NEDD4: variants seen among roughly 807,000 people sequenced by gnomAD.
NEDD4 encodes NEDD4 E3 ubiquitin protein ligase, also known as E3 ubiquitin-protein ligase NEDD4.
In NEDD4, 99 loss-of-function variants were observed where a neutral mutation model predicts 144.9. The ratio of observed to expected loss-of-function variants is 0.68; its 90% CI spans 0.58 to 0.81. The LOEUF (loss-of-function observed/expected upper bound fraction) is 0.81, where lower values mean the gene tolerates loss of function less well. Ranked by LOEUF, NEDD4 falls within the 30% of genes least tolerant of loss-of-function variation. The pLI is 0.00. For missense variants in NEDD4, 985 were observed against 1,065.9 expected, an observed-to-expected ratio of 0.92 and a Z score of 1.06; for synonymous variants, 318 against 350.6, an observed-to-expected ratio of 0.91 and a Z score of 1.04.
chr15:55,986,177 G>A (rs527508143), intron 1 of NEDD4, among the ~76,000 whole-genome samples: 1 of 152,322 alleles, frequency 6.6e-6, no homozygotes, highest in East Asian at 1.9e-4. Flanking sequence ...TACATAGAAT[G>A]CCAACTAACA....
At chr15:55,985,096 C>G (rs1202148524) in intron 1 of NEDD4, among the ~76,000 whole-genome samples, 4 of 152,186 alleles carry the variant, frequency 2.6e-5, no homozygotes, top group African/African-American at 7.2e-5. Flanking sequence ...GGCCAGAATT[C>G]CAACACAAAA....
intron 5 of NEDD4, among the ~76,000 whole-genome samples, chr15:55,880,368 C>T (rs2035143062): frequency 1.3e-5 from 2 of 152,046 alleles, no homozygotes; most frequent in Non-Finnish European, 2.9e-5. Context: ...CTGCAAGGCA[C>T]ATCACCGTGA....
chr15:55,969,037 A>G (rs547245405), intron 1 of NEDD4, among the ~76,000 whole-genome samples: 17 of 152,204 alleles, frequency 1.1e-4, no homozygotes, highest in Admixed American at 3.3e-4. Flanking sequence ...TGAAGAGGGT[A>G]GGAAAGACAG....
chr15:55,977,259 T>C (rs1238042766), intron 1 of NEDD4, among the ~76,000 whole-genome samples: 2 of 152,232 alleles, frequency 1.3e-5, no homozygotes, highest in Non-Finnish European at 2.9e-5. Context: ...TCCTTTTCTA[T>C]GTTTTGGTAC....
At chr15:55,843,317 G>A (rs577074391) in intron 18 of NEDD4, among the ~76,000 whole-genome samples, 2 of 152,314 alleles carry the variant, frequency 1.3e-5, no homozygotes, top group Non-Finnish European at 2.9e-5. Flanking sequence ...AACACTATGC[G>A]AAAGCTACTA....
rs1314443948 is a variant in NEDD4, at chr15:55,834,297, G to T, written c.2263-11C>A. 2 of 1,588,840 alleles carry T rather than the reference G, an allele frequency of 1.3e-6. No homozygotes were observed. Among genetic ancestry groups the T allele is most frequent in the South Asian group, 2.2e-5 (2 of 90,096 alleles). ...TAGTTCAAAGAATCCCTAGAAAAAA[G>T]ATGTATTTAAAAACTTGATGGGCAG... On this transcript the variant is annotated splice_polypyrimidine_tract_variant and intron_variant, in intron 24 of 28. Transcript: ENST00000435532.
chr15:55,967,484 G>C (rs1300586209), intron 1 of NEDD4, among the ~76,000 whole-genome samples: 1 of 149,804 alleles, frequency 6.7e-6, no homozygotes, highest in South Asian at 2.1e-4. Context: ...GTATGTGTGT[G>C]TATACAAATA....
intron 21 of NEDD4, among the ~76,000 whole-genome samples, chr15:55,839,983 AAAAAAAAAAAAAAAAAATATATAT>A (rs1170571740): frequency 3.5e-4 from 16 of 46,182 alleles, no homozygotes; most frequent in African/African-American, 1.3e-3. Context: ...CAAAAAAAAA[AAAAAAAAAAAAAAAAAATATATAT>A]ATATATATAT....
intron 23 of NEDD4, 28 bp from the exon 24 acceptor site, chr15:55,837,877 T>C (rs2033285661): frequency 8.3e-6 from 13 of 1,573,834 alleles, no homozygotes; most frequent in African/African-American, 2.7e-5. Context: ...TTCATTTTCA[T>C]GTGAACCAAG....
chr15:55,983,297 T>G (rs35460567), intron 1 of NEDD4, among the ~76,000 whole-genome samples: 1 of 141,316 alleles, frequency 7.1e-6, no homozygotes, highest in Admixed American at 7.1e-5. Context: ...TGTGTGTGTG[T>G]GTGCGTGCGC....
intron 1 of NEDD4, among the ~76,000 whole-genome samples, chr15:55,981,266 T>G (rs1295510129): frequency 2.0e-5 from 3 of 152,126 alleles, no homozygotes; most frequent in African/African-American, 7.2e-5. Context: ...CTCACCACCA[T>G]GTTGGCCAGG....
At chr15:55,979,363 T>TTTTG (rs1437639721) in intron 1 of NEDD4, among the ~76,000 whole-genome samples, 38 of 109,874 alleles carry the variant, frequency 3.5e-4, no homozygotes, top group African/African-American at 1.2e-3. Context: ...TTTTTTTTTT[T>TTTTG]TGAGACGGAG....
intron 1 of NEDD4, chr15:55,988,018 T>C (rs1445555275): frequency 5.3e-5 from 8 of 151,740 alleles, no homozygotes; most frequent in Non-Finnish European, 1.2e-4. Flanking sequence ...AGAAAGTCAT[T>C]GCACACGTAT....
intron 1 of NEDD4, 98 bp downstream of exon 1, chr15:55,993,413 G>T: frequency 6.9e-7 from 1 of 1,451,742 alleles, no homozygotes; most frequent in Non-Finnish European, 9.4e-7. Flanking sequence ...GGGGCTGACA[G>T]CAGAGCCTCC....
intron 11 of NEDD4, among the ~76,000 whole-genome samples, chr15:55,856,632 A>T (rs2034206303): frequency 6.6e-6 from 1 of 152,184 alleles, no homozygotes; most frequent in Non-Finnish European, 1.5e-5. Context: ...GCATCCTGCA[A>T]TGCACAGCCA....
chr15:55,940,518 T>TTCTCTCTCTCTCTCTCTCTCTCTCTCTC (rs60338644), intron 4 of NEDD4, among the ~76,000 whole-genome samples: 1,072 of 105,932 alleles, frequency 0.01, 40 homozygotes, highest in East Asian at 0.032. Flanking sequence ...CTCCTCCCCC[T>TTCTCTCTCTCTCTCTCTCTCTCTCTCTC]TCTCTCTCTC....
At position 55,837,833 on chromosome 15, in the gene NEDD4, G is replaced by A. The variant is rs775266689; in HGVS notation, c.2218C>T (p.Arg740Ter). 5 of 1,610,504 alleles carry A rather than the reference G, an allele frequency of 3.1e-6. No homozygotes were observed. The highest frequency in any genetic ancestry group is 4.2e-6 in the Non-Finnish European group (5 of 1,177,836). The change falls in exon 24 of 29, where the codon CGA (arginine) becomes TGA (stop). Residue 740 changes from arginine (R) to a stop codon, truncating the protein, a stop_gained. Transcript: ENST00000435532. LOFTEE classifies it high-confidence loss of function. Reference sequence around the variant, plus strand: ...TGCTTCTGGATTCGGTTTACAAATCGCCATTGTATTACAAGACTAAAAAGA... The same window carrying A: ...TGCTTCTGGATTCGGTTTACAAATCACCATTGTATTACAAGACTAAAAAGA... ...KEYIYLVIQW[R>*]FVNRIQKQMA...
chr15:55,921,579 G>A (rs1332026447), intron 5 of NEDD4, among the ~76,000 whole-genome samples: 2 of 152,076 alleles, frequency 1.3e-5, no homozygotes, highest in Non-Finnish European at 2.9e-5. Context: ...CTAACCTCAG[G>A]AACACCTCCT....
chr15:55,977,220 G>T (rs55908996), intron 1 of NEDD4, among the ~76,000 whole-genome samples: 12,343 of 152,208 alleles, frequency 0.081, 615 homozygotes, highest in Middle Eastern at 0.17. Flanking sequence ...ATATGATGGT[G>T]GTCCCATAAA....
Sources: gnomAD v4.1 joint callset for allele counts (sites outside exome capture counted in the v4.1 genomes callset) on GRCh38, gnomAD v4.1.1 for gene constraint, MANE v1.5 for transcripts, NCBI Gene and HGNC (gene_info 2026-07-23, HGNC 2026-07-21) for gene names.